Variants in CNOT1 observed in about 807,000 individuals in gnomAD.
The protein encoded by CNOT1 is CCR4-associated factor 1.
In CNOT1, 15 loss-of-function variants were observed where a neutral mutation model predicts 273.8. The ratio of observed to expected loss-of-function variants is 0.05; its 90% confidence interval spans 0.04 to 0.08. The LOEUF (loss-of-function observed/expected upper bound fraction) is 0.08. CNOT1 is among the 10% of genes least tolerant of loss of function. The pLI, the probability that CNOT1 is intolerant of heterozygous loss-of-function variation, is 1.00. For missense variants in CNOT1, 1,644 were observed against 2,912.2 expected, an observed-to-expected ratio of 0.56 and a Z score of 10.02; for synonymous variants, 1,022 against 1,005.5, an observed-to-expected ratio of 1.02 and a Z score of -0.31.
intron 1 of CNOT1, among the ~76,000 whole-genome samples, chr16:58,603,587 C>A (rs1016110304): frequency 1.3e-5 from 2 of 152,104 alleles, no homozygotes; most frequent in Non-Finnish European, 2.9e-5. Flanking sequence ...ACCACTGATA[C>A]TCTTCCAGCT....
At chr16:58,557,888 G>C (rs1045445119) in intron 18 of CNOT1, among the ~76,000 whole-genome samples, 1 of 152,126 alleles carries the variant, frequency 6.6e-6, no homozygotes, top group Admixed American at 6.5e-5. Context: ...TACTCGGGAG[G>C]CTGAGGCAGG....
chr16:58,521,366 C>T (rs754244218), intron 47 of CNOT1, 49 bp from the exon 48 acceptor site: 7 of 1,538,762 alleles, frequency 4.5e-6, no homozygotes, highest in Admixed American at 2.2e-5. Flanking sequence ...CATACAAATT[C>T]ATGATTATTC....
chr16:58,534,522 T>C (rs1192970195), intron 39 of CNOT1, 127 bp from the exon 40 acceptor site: 2 of 1,080,060 alleles, frequency 1.9e-6, no homozygotes, highest in Non-Finnish European at 2.6e-6. Context: ...AATTCTTACA[T>C]TGTAATAAAT....
At chr16:58,621,883 C>G (rs2043335920) in intron 1 of CNOT1, among the ~76,000 whole-genome samples, 1 of 136,750 alleles carries the variant, frequency 7.3e-6, no homozygotes, top group African/African-American at 2.8e-5. Context: ...TGCACTCCAG[C>G]CTGGGCGACG....
chr16:58,540,962 T>C (rs901769346), intron 34 of CNOT1, among the ~76,000 whole-genome samples: 1 of 152,182 alleles, frequency 6.6e-6, no homozygotes, highest in Non-Finnish European at 1.5e-5. Context: ...TCCCAGCACT[T>C]TGGGAGGCCA....
intron 12 of CNOT1, among the ~76,000 whole-genome samples, chr16:58,579,322 A>T (rs2041573742): frequency 6.6e-6 from 1 of 152,222 alleles, no homozygotes; most frequent in South Asian, 2.1e-4. Flanking sequence ...TACAGAATAA[A>T]AGAAACTATG....
At chr16:58,570,127 T>C (rs920843056) in intron 16 of CNOT1, among the ~76,000 whole-genome samples, 7 of 152,162 alleles carry the variant, frequency 4.6e-5, no homozygotes, top group Admixed American at 3.9e-4. Flanking sequence ...CAGGAATCCT[T>C]CATCTGGCAA....
chr16:58,622,128 C>T (rs868318552), intron 1 of CNOT1, among the ~76,000 whole-genome samples: 31 of 151,166 alleles, frequency 2.1e-4, no homozygotes, highest in Non-Finnish European at 3.2e-4. Flanking sequence ...CTGGCTAACA[C>T]GGTGAAACCC....
chr16:58,629,645 C>T (rs1252904651), intron 1 of CNOT1, 83 bp downstream of exon 1: 1 of 152,758 alleles, frequency 6.5e-6, no homozygotes, highest in Admixed American at 6.5e-5. Context: ...CCAGGTCCAC[C>T]CCTGTTCCTC....
At chr16:58,528,115 A>T (rs1263675909) in intron 44 of CNOT1, 1 of 462,768 alleles carries the variant, frequency 2.2e-6, no homozygotes, top group East Asian at 6.7e-5. Flanking sequence ...TCTGCCTCAA[A>T]AAAAGAAAAA....
chr16:58,620,626 G>A (rs554527443), intron 1 of CNOT1, among the ~76,000 whole-genome samples: 2 of 135,700 alleles, frequency 1.5e-5, no homozygotes, highest in African/African-American at 5.7e-5. Context: ...TCCAGCCTGG[G>A]TGACACAGCG....
chr16:58,599,150 G>T, intron 2 of CNOT1, 86 bp downstream of exon 2: 2 of 1,561,670 alleles, frequency 1.3e-6, no homozygotes, highest in Non-Finnish European at 1.8e-6. Context: ...TACCTTTCAT[G>T]CAACATGCCC....
At chr16:58,539,304 G>T (rs2040004713) in intron 35 of CNOT1, among the ~76,000 whole-genome samples, 1 of 151,966 alleles carries the variant, frequency 6.6e-6, no homozygotes, top group South Asian at 2.1e-4. Context: ...GAACGACCTG[G>T]ACAACAAAGC....
At chr16:58,531,102 C>T (rs1310097825) in intron 42 of CNOT1, among the ~76,000 whole-genome samples, 2 of 152,240 alleles carry the variant, frequency 1.3e-5, no homozygotes, top group Non-Finnish European at 2.9e-5. Context: ...GACATGAATT[C>T]TCTATTTTCA....
Position 58,530,282 on chromosome 16 carries a change from A to G in CNOT1, c.6243T>C (p.Asn2081=). Residue 2081 remains asparagine, a synonymous_variant, in exon 43 of 49, where the codon AAT becomes AAC. Coordinates refer to ENST00000317147, the MANE Select transcript of CNOT1 (RefSeq NM_016284.5). ...TTTGCATAGGTTTGGTGAGTTCCAC[A>G]TTTCTAAGGAAAGGCGCTAAATATT... ...LFKYLAPFLR[N]VELTKPMQIL... 6.2e-7 allele frequency: 1 copy of G among 1,612,402 alleles called. No individual in the cohort carries two copies. Among genetic ancestry groups the G allele is most frequent in the Non-Finnish European group, 8.5e-7 (1 of 1,178,834 alleles).
At chr16:58,612,962 C>A (rs1227112821) in intron 1 of CNOT1, among the ~76,000 whole-genome samples, 1 of 152,120 alleles carries the variant, frequency 6.6e-6, no homozygotes, top group Non-Finnish European at 1.5e-5. Flanking sequence ...GATATTATTA[C>A]CCCAACTTTA....
chr16:58,549,913 C>T lies in CNOT1; in HGVS notation c.3343-15G>A, dbSNP rs544761887. The T allele has an allele frequency of 2.4e-5, 39 of 1,613,180 alleles. No homozygotes were observed. The highest frequency in any genetic ancestry group is 1.7e-4 in the Middle Eastern group (1 of 6,060). ...AGCTCTTCAACCTAGCCGGTCAATACGACATGGGAAGCACAGAATTACACT... is the reference window on the plus strand; with the variant it reads ...AGCTCTTCAACCTAGCCGGTCAATATGACATGGGAAGCACAGAATTACACT... On this transcript the variant is annotated splice_polypyrimidine_tract_variant and intron_variant, in intron 24 of 48. Coordinates refer to ENST00000317147, the MANE Select transcript of CNOT1 (RefSeq NM_016284.5).
chr16:58,521,402 C>T, intron 47 of CNOT1, 85 bp from the exon 48 acceptor site: 1 of 1,392,312 alleles, frequency 7.2e-7, no homozygotes, highest in South Asian at 1.4e-5. Flanking sequence ...TCTAACTTCT[C>T]CCTGACTATT....
At chr16:58,578,675 G>A in intron 13 of CNOT1, 24 bp downstream of exon 13, 1 of 1,607,378 alleles carries the variant, frequency 6.2e-7, no homozygotes, top group Middle Eastern at 1.7e-4. Context: ...ATGAAAAAAT[G>A]GTAAGCACAC....
Sources: gnomAD v4.1 joint callset for allele counts (sites outside exome capture counted in the v4.1 genomes callset) on GRCh38, gnomAD v4.1.1 for gene constraint, MANE v1.5 for transcripts, NCBI Gene and HGNC (gene_info 2026-07-23, HGNC 2026-07-21) for gene names.